Variants in NUDT21 observed in about 807,000 individuals in gnomAD.
NUDT21 encodes nudix hydrolase 21, also known as cleavage and polyadenylation specificity factor subunit 5.
A neutral mutation model predicts 29.8 loss-of-function variants in NUDT21; 5 were observed. The ratio of observed to expected loss-of-function variants is 0.17; its 90% CI spans 0.09 to 0.35. The LOEUF (loss-of-function observed/expected upper bound fraction) is 0.35, where lower values mean the gene tolerates loss of function less well. NUDT21 is among the 10% of genes least tolerant of loss of function. The pLI, the probability that NUDT21 is intolerant of heterozygous loss-of-function variation, is 1.00. For missense variants in NUDT21, 76 were observed against 276.0 expected (o/e 0.28, Z 5.13); for synonymous variants, 113 against 98.5 (o/e 1.15, Z -0.87).
rs1962007343 is a variant in NUDT21, at chr16:56,429,429, A to T, written c.*3283T>A. 6.6e-6 allele frequency: 1 copy of T among 152,240 alleles called. No individual in the cohort carries two copies. Among genetic ancestry groups the T allele is most frequent in the Non-Finnish European group, 1.5e-5 (1 of 68,038 alleles). The allele number at this position is 152,240 out of a possible 1,614,324, so 9.4% of individuals were successfully genotyped here. On this transcript the variant is annotated 3_prime_UTR_variant, in exon 7 of 7. Coordinates refer to ENST00000300291, the MANE Select transcript of NUDT21 (RefSeq NM_007006.3). ...TATCTCTATTTTTACGATATGATCC[A>T]TTACTAAGATACAAAATACACCTGA...
chr16:56,449,320 T>C (rs1962252234), intron 1 of NUDT21: 1 of 152,212 alleles, frequency 6.6e-6, no homozygotes, highest in African/African-American at 2.4e-5. Flanking sequence ...GTTCTCATCA[T>C]ACTGTGAGCT....
intron 3 of NUDT21, among the ~76,000 whole-genome samples, chr16:56,440,168 T>C (rs1388865292): frequency 2.0e-5 from 3 of 152,236 alleles, no homozygotes; most frequent in Admixed American, 1.3e-4. Flanking sequence ...TCATGTTTTC[T>C]TCTATTTTTA....
rs573086212 is a variant in NUDT21, at chr16:56,429,353, T to C, written c.*3359A>G. 12 of 152,312 alleles carry C rather than the reference T, an allele frequency of 7.9e-5. No homozygotes were observed. Among genetic ancestry groups the C allele is most frequent in the African/African-American group, 2.9e-4 (12 of 41,564 alleles). 9.4% of individuals were successfully genotyped at this position (152,312 alleles called of 1,614,324 possible). ...ATAACCAAAAGTTTAAATTTCTAAATACATGACCTTTCCCTCAACAGAACA... is the reference window on the plus strand; with the variant it reads ...ATAACCAAAAGTTTAAATTTCTAAACACATGACCTTTCCCTCAACAGAACA... On this transcript the variant is annotated 3_prime_UTR_variant, in exon 7 of 7. Transcript: ENST00000300291.
In NUDT21 at chr16:56,434,244, C is replaced by T. The variant is rs1463195932; in HGVS notation, c.662+87G>A. 3.6e-6 allele frequency: 3 copies of T among 826,140 alleles called. No individual in the cohort carries two copies. The African/African-American group carries it at 5.1e-5, about 14-fold the overall frequency. 51.2% of individuals were successfully genotyped at this position (826,140 alleles called of 1,614,324 possible). A position where few individuals can be genotyped will look rare whatever the true frequency, so the allele number is the denominator to read the frequency against. Reference sequence around the variant, plus strand: ...CTTAGTTTCCTTAAAGACCAAAATTCATGAACTATACCTTCCCAAGTGGCT... The same window carrying T: ...CTTAGTTTCCTTAAAGACCAAAATTTATGAACTATACCTTCCCAAGTGGCT... On this transcript the variant is annotated intron_variant, in intron 6 of 6. Coordinates refer to ENST00000300291, the MANE Select transcript of NUDT21 (RefSeq NM_007006.3).
intron 4 of NUDT21, among the ~76,000 whole-genome samples, chr16:56,438,791 C>T (rs1360388704): frequency 6.8e-6 from 1 of 146,082 alleles, no homozygotes; most frequent in African/African-American, 2.5e-5. Flanking sequence ...AAATAAAACA[C>T]AAGGAAAAAA....
chr16:56,443,546 A>G (rs924751383), intron 3 of NUDT21, among the ~76,000 whole-genome samples: 1 of 152,196 alleles, frequency 6.6e-6, no homozygotes, highest in Non-Finnish European at 1.5e-5. Context: ...CCCCAAACTC[A>G]TGTTGAAATT....
chr16:56,439,421 C>T (rs1567538716), intron 4 of NUDT21: 2 of 427,172 alleles, frequency 4.7e-6, no homozygotes, highest in East Asian at 9.7e-5. Flanking sequence ...GGTGATCCAC[C>T]CGCCTCGGCC....
intron 3 of NUDT21, among the ~76,000 whole-genome samples, chr16:56,442,233 C>T (rs1962167835): frequency 6.6e-6 from 1 of 152,230 alleles, no homozygotes; most frequent in Admixed American, 6.5e-5. Flanking sequence ...ATAGTCTCAA[C>T]CCTGCTTCAC....
chr16:56,448,356 GACT>G (rs1377024353), intron 1 of NUDT21, among the ~76,000 whole-genome samples: 1 of 152,164 alleles, frequency 6.6e-6, no homozygotes, highest in Non-Finnish European at 1.5e-5. Context: ...GCATTCCACT[GACT>G]ACTAATCTAA....
intron 3 of NUDT21, among the ~76,000 whole-genome samples, chr16:56,442,856 C>G (rs569055606): frequency 3.2e-4 from 49 of 152,276 alleles, no homozygotes; most frequent in African/African-American, 1.2e-3. Context: ...GAATGAACCT[C>G]TTAACTCTTT....
chr16:56,441,029 T>C (rs1301582246), intron 3 of NUDT21, among the ~76,000 whole-genome samples: 1 of 152,058 alleles, frequency 6.6e-6, no homozygotes, highest in African/African-American at 2.4e-5. Context: ...CATGAGCCAC[T>C]GCACCGGGCC....
intron 1 of NUDT21, among the ~76,000 whole-genome samples, chr16:56,449,015 TC>T (rs1962249070): frequency 6.6e-6 from 1 of 152,286 alleles, no homozygotes; most frequent in East Asian, 1.9e-4. Context: ...AATATACCAT[TC>T]CAGGATGCTT....
At chr16:56,438,953 A>T (rs1393896067) in intron 4 of NUDT21, among the ~76,000 whole-genome samples, 2 of 152,214 alleles carry the variant, frequency 1.3e-5, no homozygotes, top group Admixed American at 1.3e-4. Flanking sequence ...TAATAACAGT[A>T]CTATAGTTAT....
At chr16:56,438,058 A>G (rs539759858) in intron 4 of NUDT21, among the ~76,000 whole-genome samples, 65 of 152,350 alleles carry the variant, frequency 4.3e-4, no homozygotes, top group African/African-American at 1.4e-3. Flanking sequence ...GAAGTACACT[A>G]TACCAATTGT....
In NUDT21 at chr16:56,439,798, C is replaced by A. The variant is rs779758487; in HGVS notation, c.382-52G>T. On this transcript the variant is annotated intron_variant, in intron 3 of 6. Coordinates refer to ENST00000300291, the MANE Select transcript of NUDT21 (RefSeq NM_007006.3). ...CAACTAAATATATGTACTCACAAAT[C>A]CCCTTCTTCAGTGAACAGAAAATTC... 3 of 1,402,728 alleles carry A rather than the reference C, an allele frequency of 2.1e-6. No homozygotes were observed. In the East Asian group the frequency reaches 6.8e-5, roughly 32 times the overall value. 86.9% of individuals were successfully genotyped at this position (1,402,728 alleles called of 1,614,324 possible).
At position 56,431,387 on chromosome 16, in the gene NUDT21, T is replaced by G. The variant is rs1226047484; in HGVS notation, c.*1325A>C. ...CACTACTTAACCACCATGTGAGGGT[T>G]TGACATGACCCCAACTAAAAAAACT... On this transcript the variant is annotated 3_prime_UTR_variant, in exon 7 of 7. Coordinates refer to ENST00000300291, the MANE Select transcript of NUDT21 (RefSeq NM_007006.3). The G allele has an allele frequency of 2.0e-5, 3 of 152,170 alleles. No individual in the cohort carries two copies. The highest frequency in any genetic ancestry group is 7.2e-5 in the African/African-American group (3 of 41,434). 9.4% of individuals were successfully genotyped at this position (152,170 alleles called of 1,614,324 possible).
chr16:56,436,597 A>G (rs1458244270), intron 4 of NUDT21, among the ~76,000 whole-genome samples: 1 of 152,222 alleles, frequency 6.6e-6, no homozygotes, highest in Non-Finnish European at 1.5e-5. Context: ...GAATAGCACA[A>G]GCTAAGAGAT....
At chr16:56,450,944 G>T in intron 1 of NUDT21, 143 bp downstream of exon 1, 1 of 651,826 alleles carries the variant, frequency 1.5e-6, no homozygotes, top group South Asian at 1.8e-5. Flanking sequence ...GCCTGAGAGA[G>T]GGAGGAAGGC....
intron 1 of NUDT21, among the ~76,000 whole-genome samples, chr16:56,450,340 T>C (rs189166679): frequency 7.4e-4 from 112 of 152,362 alleles, no homozygotes; most frequent in Admixed American, 1.3e-3. Context: ...ATGCAATGGT[T>C]TGAAGTGTTG....
Sources: allele counts gnomAD v4.1 joint callset (sites outside exome capture counted in the v4.1 genomes callset), GRCh38; gene constraint gnomAD v4.1.1; transcripts MANE v1.5; gene names NCBI Gene and HGNC (gene_info 2026-07-23, HGNC 2026-07-21).